ZNF551: variants seen among roughly 807,000 people sequenced by gnomAD.
The protein encoded by ZNF551 is KOX 23 protein (56 AA).
ZNF551 carries 5 observed loss-of-function variants against 7.9 expected under a neutral mutation model. The ratio of observed to expected loss-of-function variants is 0.63; its 90% CI spans 0.33 to 1.33. The LOEUF (loss-of-function observed/expected upper bound fraction) is 1.33, where lower values mean the gene tolerates loss of function less well. ZNF551 is among the 40% of genes most tolerant of loss of function. The pLI is 0.05. For missense variants in ZNF551, 788 were observed against 825.2 expected, an observed-to-expected ratio of 0.95 and a Z score of 0.55; for synonymous variants, 287 against 277.3, an observed-to-expected ratio of 1.03 and a Z score of -0.35.
At chr19:57,684,041 GC>G (rs1568454861) in intron 1 of ZNF551, among the ~76,000 whole-genome samples, 1 of 152,116 alleles carries the variant, frequency 6.6e-6, no homozygotes, top group African/African-American at 2.4e-5. Flanking sequence ...AGAGAGGAAG[GC>G]TGTGACTGGT....
chr19:57,686,999 C>T lies in ZNF551; in HGVS notation c.724C>T (p.Gln242Ter), dbSNP rs202161643. 6.2e-7 allele frequency: 1 copy of T among 1,614,210 alleles called. No individual in the cohort carries two copies. Among genetic ancestry groups the T allele is most frequent in the East Asian group, 2.2e-5 (1 of 44,890 alleles). Reference sequence around the variant, plus strand: ...CCACAAACACACACTTGTTCAGCATCAGAGTGTCTGTTCTGAAGGAGGGCT... The same window carrying T: ...CCACAAACACACACTTGTTCAGCATTAGAGTGTCTGTTCTGAAGGAGGGCT... The part of the protein sequence containing the change: ...SSHKHTLVQH[Q>*]SVCSEGGLYE... Residue 242 changes from glutamine (Q) to a stop codon, truncating the protein, a stop_gained, in exon 3 of 3, where the codon CAG becomes TAG. Transcript: ENST00000282296. LOFTEE classifies it low-confidence loss of function (END_TRUNC).
rs1346429886 is a variant in ZNF551 at position 57,686,997 on chromosome 19, A to C, written c.722A>C (p.His241Pro). ...ASSHKHTLVQ[H>P]QSVCSEGGLY... ...AGCCACAAACACACACTTGTTCAGC[A>C]TCAGAGTGTCTGTTCTGAAGGAGGG... Residue 241 changes from histidine (H) to proline (P), a missense_variant, in exon 3 of 3, where the codon CAT (histidine) becomes CCT (proline). Transcript: ENST00000282296. The C allele has an allele frequency of 6.2e-7, 1 of 1,614,240 alleles. No individual in the cohort carries two copies. The highest frequency in any genetic ancestry group is 8.5e-7 in the Non-Finnish European group (1 of 1,180,040).
chr19:57,685,549 C>A, intron 2 of ZNF551, 164 bp downstream of exon 2: 1 of 1,042,730 alleles, frequency 9.6e-7, no homozygotes, highest in Non-Finnish European at 1.5e-6. Flanking sequence ...CCAGTTTCTG[C>A]CCTTTTCCTC....
intron 1 of ZNF551, among the ~76,000 whole-genome samples, chr19:57,683,198 A>C (rs891169383): frequency 6.6e-6 from 1 of 152,150 alleles, no homozygotes; most frequent in Non-Finnish European, 1.5e-5. Flanking sequence ...ACCTGGGAGG[A>C]GACTACTGGG....
chr19:57,687,895 TAGAC>T lies in ZNF551; in HGVS notation c.1623_1626del (p.Arg541SerfsTer142). ...AGTGCAGTGAATGTGGCAAATCTTT[TAGAC>T]AGCGCTCTGGCCTCATTCAGCACCG... On this transcript the variant is annotated frameshift_variant, in exon 3 of 3. Transcript: ENST00000282296. LOFTEE classifies it low-confidence loss of function (END_TRUNC). 4 of 1,614,218 alleles carry T rather than the reference TAGAC, an allele frequency of 2.5e-6. No homozygotes were observed. The highest frequency in any genetic ancestry group is 3.4e-6 in the Non-Finnish European group (4 of 1,180,040).
rs568511004 is a variant in ZNF551, at chr19:57,689,856, G to A, written c.*1568G>A. 5.9e-5 allele frequency: 9 copies of A among 152,296 alleles called. No homozygotes were observed. Among genetic ancestry groups the A allele is most frequent in the Admixed American group, 3.9e-4 (6 of 15,276 alleles). The allele number at this position is 152,296 out of a possible 1,614,324, so 9.4% of individuals were successfully genotyped here. On this transcript the variant is annotated 3_prime_UTR_variant, in exon 3 of 3. Coordinates refer to ENST00000282296, the MANE Select transcript of ZNF551 (RefSeq NM_138347.5). ...TTTGTGGCTCCTTGTATCCTGTCTG[G>A]GCTGTTCACCTCAAGGCCATTGCTA...
In ZNF551 at chr19:57,689,560, A is replaced by T. The variant is rs1984698712; in HGVS notation, c.*1272A>T. The T allele has an allele frequency of 1.3e-5, 2 of 152,236 alleles. No individual in the cohort carries two copies. Among genetic ancestry groups the T allele is most frequent in the African/African-American group, 4.8e-5 (2 of 41,430 alleles). The allele number at this position is 152,236 out of a possible 1,614,324, so 9.4% of individuals were successfully genotyped here. The stretch of plus-strand genomic sequence containing the variant: ...CATGGTGTAATCCTAACACTTTGGG[A>T]GGCCAAGGCGGGCGGATTGCCTGAG... On this transcript the variant is annotated 3_prime_UTR_variant, in exon 3 of 3. Coordinates refer to ENST00000282296, the MANE Select transcript of ZNF551 (RefSeq NM_138347.5).
chr19:57,688,389 GT>G lies in ZNF551; in HGVS notation c.*102del, dbSNP rs1984659134. ...TTAAACTTTGAGCACCCACAGTGGG[GT>G]ATTCTTCATAAGTTTCAGGTATGTG... On this transcript the variant is annotated 3_prime_UTR_variant, in exon 3 of 3. Transcript: ENST00000282296. The G allele has an allele frequency of 6.8e-7, 1 of 1,466,758 alleles. No individual in the cohort carries two copies. The highest frequency in any genetic ancestry group is 1.4e-5 in the African/African-American group (1 of 70,992). The allele number at this position is 1,466,758 out of a possible 1,614,324, so 90.9% of individuals were successfully genotyped here. A position where few individuals can be genotyped will look rare whatever the true frequency, so the allele number is the denominator to read the frequency against.
rs752785894 is a variant in ZNF551, at chr19:57,687,029, G to A, written c.754G>A (p.Glu252Lys). The change falls in exon 3 of 3, where the codon GAG (glutamate) becomes AAG (lysine). Residue 252 changes from glutamate (E) to lysine (K), a missense_variant. Glu to Lys is a moderately conservative substitution (Grantham distance 56). Coordinates refer to ENST00000282296, the MANE Select transcript of ZNF551 (RefSeq NM_138347.5). The part of the protein sequence containing the change: ...QSVCSEGGLY[E>K]CSKCEKAFTC... ...TGTCTGTTCTGAAGGAGGGCTTTAT[G>A]AGTGTAGCAAATGTGAGAAAGCCTT... The A allele has an allele frequency of 4.3e-6, 7 of 1,614,228 alleles. No individual in the cohort carries two copies. Among genetic ancestry groups the A allele is most frequent in the Non-Finnish European group, 5.1e-6 (6 of 1,180,042 alleles).
chr19:57,682,273 T>A, intron 1 of ZNF551, 29 bp downstream of exon 1: 1 of 1,547,372 alleles, frequency 6.5e-7, no homozygotes, highest in Non-Finnish European at 8.7e-7. Context: ...GGGTCTCGCC[T>A]ACCTCCCCCA....
rs916915190 is a variant in ZNF551, at chr19:57,690,449, ATGTG to A, written c.*2169_*2172del. On this transcript the variant is annotated 3_prime_UTR_variant, in exon 3 of 3. Coordinates refer to ENST00000282296, the MANE Select transcript of ZNF551 (RefSeq NM_138347.5). ...TATATATATACATATGTGTTTATATATGTGTGTGTGTATATATATATACTTACTG... is the reference window on the plus strand; with the variant it reads ...TATATATATACATATGTGTTTATATATGTGTGTATATATATATACTTACTG... The A allele has an allele frequency of 1.5e-5, 1 of 66,722 alleles. No individual in the cohort carries two copies. The highest frequency in any genetic ancestry group is 4.0e-5 in the Non-Finnish European group (1 of 25,252). 4.1% of individuals were successfully genotyped at this position (66,722 alleles called of 1,614,324 possible). A position where few individuals can be genotyped will look rare whatever the true frequency, so the allele number is the denominator to read the frequency against.
chr19:57,682,912 G>A (rs1431148679), intron 1 of ZNF551, among the ~76,000 whole-genome samples: 1 of 152,228 alleles, frequency 6.6e-6, no homozygotes, highest in Non-Finnish European at 1.5e-5. Context: ...AGGAGATGTA[G>A]AAGGTTGTCC....
rs78560469 is a variant in ZNF551 at position 57,683,346 on chromosome 19, G to A, written c.81+1102G>A. On this transcript the variant is annotated intron_variant, in intron 1 of 2. Coordinates refer to ENST00000282296, the MANE Select transcript of ZNF551 (RefSeq NM_138347.5). ...TTTTGAGAAAGAGAGTGGAGTCAGG[G>A]ATGACTGAAAGGTTTTATTTTGGCA... Among the ~76,000 whole-genome samples the A allele has an allele frequency of 6.1e-4, 93 of 152,338 alleles. 1 individual carries two copies. The East Asian group carries it at 8.3e-3, about 14-fold the overall frequency.
In ZNF551 at chr19:57,688,376, C is replaced by G. The variant is rs982937119; in HGVS notation, c.*88C>G. On this transcript the variant is annotated 3_prime_UTR_variant, in exon 3 of 3. Coordinates refer to ENST00000282296, the MANE Select transcript of ZNF551 (RefSeq NM_138347.5). ...CATCTTCGTAAATTTAAACTTTGAG[C>G]ACCCACAGTGGGGTATTCTTCATAA... The G allele has an allele frequency of 9.9e-6, 15 of 1,511,050 alleles. No homozygotes were observed. Among genetic ancestry groups the G allele is most frequent in the Non-Finnish European group, 1.3e-5 (15 of 1,120,120 alleles). The allele number at this position is 1,511,050 out of a possible 1,614,324, so 93.6% of individuals were successfully genotyped here.
In ZNF551 at chr19:57,687,328, T is replaced by G. The variant is rs762035182; in HGVS notation, c.1053T>G (p.Ile351Met). ...CCTTTAGCTACAAATCTAACCTCAT[T>G]GAACACCAGAGAGTTCACACTGGAG... ...RKTFSYKSNL[I>M]EHQRVHTGER... The change falls in exon 3 of 3, where the codon ATT becomes ATG. Residue 351 changes from isoleucine to methionine, a missense_variant. Coordinates refer to ENST00000282296, the MANE Select transcript of ZNF551 (RefSeq NM_138347.5). 1.2e-6 allele frequency: 2 copies of G among 1,614,170 alleles called. No homozygotes were observed. Among genetic ancestry groups the G allele is most frequent in the East Asian group, 2.2e-5 (1 of 44,884 alleles).
In ZNF551 at chr19:57,686,891, C is replaced by T. The variant is rs759391089; in HGVS notation, c.616C>T (p.His206Tyr). Residue 206 changes from histidine (H) to tyrosine (Y), a missense_variant, in exon 3 of 3, where the codon CAC (histidine) becomes TAC (tyrosine). Coordinates refer to ENST00000282296, the MANE Select transcript of ZNF551 (RefSeq NM_138347.5). ...AGCCACTCCCAGTGGTGAGGAGCCA[C>T]ACAGTAGCAGCAGCAAGCATATACA... Reference protein sequence around the residue: ...HEATPSGEEPHSSSSKHIQAF... With the variant: ...HEATPSGEEPYSSSSKHIQAF... 2 of 1,614,164 alleles carry T rather than the reference C, an allele frequency of 1.2e-6. No homozygotes were observed. The highest frequency in any genetic ancestry group is 4.5e-5 in the East Asian group (2 of 44,884).
chr19:57,685,966 A>C (rs1984541494), intron 2 of ZNF551, among the ~76,000 whole-genome samples: 1 of 152,180 alleles, frequency 6.6e-6, no homozygotes, highest in Non-Finnish European at 1.5e-5. Context: ...TACTGTGCTG[A>C]ATTGTTGTTT....
Position 57,688,216 on chromosome 19 carries a change from A to G in ZNF551, c.1941A>G (p.Glu647=). ...GAGAAAGGCCTTATGAATGCAGTGAATGTGGGAAATCCTTTAGCCGCAAAT... is the reference window on the plus strand; with the variant it reads ...GAGAAAGGCCTTATGAATGCAGTGAGTGTGGGAAATCCTTTAGCCGCAAAT... ...HTGERPYECS[E]CGKSFSRKSN... is the part of the protein sequence containing the mutation. The change falls in exon 3 of 3, where the codon GAA becomes GAG. Residue 647 remains glutamate (E), a synonymous_variant. Transcript: ENST00000282296. The G allele has an allele frequency of 6.2e-7, 1 of 1,614,272 alleles. No individual in the cohort carries two copies. Among genetic ancestry groups the G allele is most frequent in the South Asian group, 1.1e-5 (1 of 91,092 alleles).
chr19:57,683,578 T>A (rs556296901), intron 1 of ZNF551, among the ~76,000 whole-genome samples: 1 of 152,132 alleles, frequency 6.6e-6, no homozygotes, highest in South Asian at 2.1e-4. Flanking sequence ...GGACAATCTG[T>A]GGGCCGGGGT....
Sources: allele counts gnomAD v4.1 joint callset (sites outside exome capture counted in the v4.1 genomes callset), GRCh38; gene constraint gnomAD v4.1.1; transcripts MANE v1.5; gene names NCBI Gene and HGNC (gene_info 2026-07-23, HGNC 2026-07-21).